The following GUCY1B1 variants were observed in gnomAD, a reference collection of about 807,000 sequenced individuals.
The protein encoded by GUCY1B1 is guanylate cyclase 1 soluble subunit beta 1.
In GUCY1B1, 43 loss-of-function variants were observed where a neutral mutation model predicts 71.0. The observed-to-expected ratio is 0.61, with a 90% CI of 0.47 to 0.78. GUCY1B1 has a LOEUF of 0.78. Among genes scored for constraint, GUCY1B1 ranks in the 30% least tolerant of loss-of-function variants. The pLI, the probability that GUCY1B1 is intolerant of heterozygous loss-of-function variation, is 0.00. For synonymous variants in GUCY1B1, 266 were observed against 259.7 expected (o/e 1.02, Z -0.23); for missense variants, 535 against 754.1 (o/e 0.71, Z 3.40).
Position 155,775,057 on chromosome 4 carries a change from G to C in GUCY1B1, c.167G>C (p.Ser56Thr). 6.4e-7 allele frequency: 1 copy of C among 1,568,888 alleles called. No homozygotes were observed. The highest frequency in any genetic ancestry group is 8.8e-7 in the Non-Finnish European group (1 of 1,139,418). Reference sequence around the variant, plus strand: ...ACTTATGATTTGGTTGCTGCTGCAAGCAAAGTCCTCAGTAAGTTGAATGCA... The same window carrying C: ...ACTTATGATTTGGTTGCTGCTGCAACCAAAGTCCTCAGTAAGTTGAATGCA... ...SKTYDLVAAA[S>T]KVLNLNAGEI... Residue 56 changes from serine to threonine, a missense_variant, in exon 3 of 14, where the codon AGC (serine) becomes ACC (threonine). Coordinates refer to ENST00000264424, the MANE Select transcript of GUCY1B1 (RefSeq NM_000857.5).
rs542873270 is a variant in GUCY1B1 at position 155,802,366 on chromosome 4, G to C, written c.1200G>C (p.Pro400=). The stretch of plus-strand genomic sequence containing the variant: ...GATTGCTGTATTCTGTCCTTCCTCC[G>C]TCTGTTGCCAATGAGCTGCGGCACA... ...TDTLLYSVLP[P]SVANELRHKR... is the part of the protein sequence containing the mutation. The change falls in exon 10 of 14, where the codon CCG becomes CCC. Residue 400 remains proline, a synonymous_variant. Coordinates refer to ENST00000264424, the MANE Select transcript of GUCY1B1 (RefSeq NM_000857.5). The surrounding 1 kb of genome is among the most constrained non-coding windows in gnomAD (Gnocchi z 4.3). 3.0e-5 allele frequency: 48 copies of C among 1,613,556 alleles called. No individual in the cohort carries two copies. Among genetic ancestry groups the C allele is most frequent in the Non-Finnish European group, 3.8e-5 (45 of 1,179,770 alleles).
intron 4 of GUCY1B1, among the ~76,000 whole-genome samples, chr4:155,784,627 TTGCAGATCTAAAC>T (rs1738645361): frequency 6.6e-6 from 1 of 152,170 alleles, no homozygotes; most frequent in South Asian, 2.1e-4. Context: ...TAAAGATTTC[TTGCAGATCTAAAC>T]TGCAGTAATA....
intron 5 of GUCY1B1, among the ~76,000 whole-genome samples, chr4:155,792,750 G>A (rs1445675401): frequency 1.3e-5 from 2 of 152,008 alleles, no homozygotes; most frequent in African/African-American, 2.4e-5. Flanking sequence ...CGTTGAGATC[G>A]AGTTTTCCCT....
At chr4:155,788,026 T>C (rs1738914433) in intron 4 of GUCY1B1, among the ~76,000 whole-genome samples, 1 of 152,240 alleles carries the variant, frequency 6.6e-6, no homozygotes, top group Non-Finnish European at 1.5e-5. Flanking sequence ...GTGAATAGAT[T>C]ACTACTTGCT....
At chr4:155,779,601 A>G (rs373300618) in intron 4 of GUCY1B1, among the ~76,000 whole-genome samples, 12 of 152,296 alleles carry the variant, frequency 7.9e-5, no homozygotes, top group African/African-American at 2.9e-4. Flanking sequence ...ATTATGATTC[A>G]GTTCTTTTAT....
intron 4 of GUCY1B1, among the ~76,000 whole-genome samples, chr4:155,788,872 C>T (rs998016126): frequency 7.9e-5 from 12 of 152,110 alleles, no homozygotes; most frequent in African/African-American, 2.9e-4. Flanking sequence ...CACACACACA[C>T]CCCAACATGT....
chr4:155,774,852 A>C, intron 2 of GUCY1B1, 116 bp from the exon 3 acceptor site: 1 of 696,918 alleles, frequency 1.4e-6, no homozygotes, highest in Non-Finnish European at 2.5e-6. Flanking sequence ...ATTTGCCCAA[A>C]AAAACCAAAT....
chr4:155,772,526 C>G (rs1456443907), intron 2 of GUCY1B1: 22 of 524,370 alleles, frequency 4.2e-5, no homozygotes, highest in Non-Finnish European at 7.2e-5. Context: ...GCAATATTCT[C>G]CCACCTCAGC....
chr4:155,778,327 G>C (rs1738194656), intron 4 of GUCY1B1, among the ~76,000 whole-genome samples: 1 of 152,150 alleles, frequency 6.6e-6, no homozygotes, highest in South Asian at 2.1e-4. Flanking sequence ...TTTCTGGATT[G>C]ACTATACTAT....
intron 11 of GUCY1B1, among the ~76,000 whole-genome samples, chr4:155,803,965 G>A (rs1477694596): frequency 1.3e-5 from 2 of 151,970 alleles, no homozygotes; most frequent in Non-Finnish European, 2.9e-5. Context: ...TATCTAGTCC[G>A]TTTCATGTAC....
At position 155,796,404 on chromosome 4, in the gene GUCY1B1, GA is replaced by G; in HGVS notation, c.873del (p.Glu291AspfsTer6). ...AGGATTGTTGGATGTGGAGAAATTA[GA>G]ATGTGAGGATGAACTGACTGGGACT... ...KEGLLDVEKL[E>X]CEDELTGTEI... is the part of the protein sequence containing the mutation. On this transcript the variant is annotated frameshift_variant, in exon 8 of 14. Coordinates refer to ENST00000264424, the MANE Select transcript of GUCY1B1 (RefSeq NM_000857.5). LOFTEE classifies it high-confidence loss of function. The G allele has an allele frequency of 6.2e-7, 1 of 1,613,512 alleles. No individual in the cohort carries two copies. Among genetic ancestry groups the G allele is most frequent in the Non-Finnish European group, 8.5e-7 (1 of 1,179,520 alleles).
In GUCY1B1 at chr4:155,806,697, A is replaced by G; in HGVS notation, c.*288A>G. On this transcript the variant is annotated 3_prime_UTR_variant, in exon 14 of 14. Coordinates refer to ENST00000264424, the MANE Select transcript of GUCY1B1 (RefSeq NM_000857.5). ...ACTACAAGCATTACCTAACATGGTG[A>G]TCTGCAAGTAGTAGGCACCCAATAA... The G allele has an allele frequency of 1.1e-5, 4 of 358,730 alleles. No homozygotes were observed. Among genetic ancestry groups the G allele is most frequent in the Admixed American group, 8.6e-5 (2 of 23,328 alleles). 22.2% of individuals were successfully genotyped at this position (358,730 alleles called of 1,614,324 possible). A position where few individuals can be genotyped will look rare whatever the true frequency, so the allele number is the denominator to read the frequency against.
At chr4:155,773,428 TATA>T (rs1737825761) in intron 2 of GUCY1B1, among the ~76,000 whole-genome samples, 1 of 152,212 alleles carries the variant, frequency 6.6e-6, no homozygotes, top group African/African-American at 2.4e-5. Context: ...TAAAAACAAT[TATA>T]ATTTTCTTTC....
chr4:155,759,738 C>A, intron 1 of GUCY1B1, 49 bp from the exon 2 acceptor site: 1 of 1,409,488 alleles, frequency 7.1e-7, no homozygotes, highest in Non-Finnish European at 1.0e-6. Context: ...CAAGCCGCTT[C>A]TCAGGTACAG....
chr4:155,772,656 C>T (rs375732804), intron 2 of GUCY1B1: 36 of 700,034 alleles, frequency 5.1e-5, no homozygotes, highest in Middle Eastern at 4.6e-4. Context: ...CTGAGCTCAA[C>T]GGATCCTCCC....
At chr4:155,764,861 G>A (rs1385162109) in intron 2 of GUCY1B1, among the ~76,000 whole-genome samples, 3 of 152,180 alleles carry the variant, frequency 2.0e-5, no homozygotes, top group Non-Finnish European at 4.4e-5. Flanking sequence ...CCATGTCTGT[G>A]AGCAGCATGG....
chr4:155,760,290 G>GT (rs901407279), intron 2 of GUCY1B1, among the ~76,000 whole-genome samples: 2 of 152,214 alleles, frequency 1.3e-5, no homozygotes, highest in Non-Finnish European at 2.9e-5. Flanking sequence ...CACACCTGGC[G>GT]TAAGTTAGGC....
chr4:155,771,957 A>G (rs911522167), intron 2 of GUCY1B1, among the ~76,000 whole-genome samples: 1 of 152,208 alleles, frequency 6.6e-6, no homozygotes. Context: ...CTTGAAAATT[A>G]TAATAGCAGT....
intron 2 of GUCY1B1, among the ~76,000 whole-genome samples, 155 bp from the exon 3 acceptor site, chr4:155,774,813 A>G (rs1737930537): frequency 6.6e-6 from 1 of 152,232 alleles, no homozygotes; most frequent in African/African-American, 2.4e-5. Flanking sequence ...TCTCACTAGA[A>G]TTTTAGGTAC....
Sources: gnomAD v4.1 joint callset for allele counts (sites outside exome capture counted in the v4.1 genomes callset) on GRCh38, gnomAD v4.1.1 for gene constraint, Gnocchi (gnomAD v3.1) non-coding constraint, MANE v1.5 for transcripts, NCBI Gene and HGNC (gene_info 2026-07-23, HGNC 2026-07-21) for gene names.